The following DCDC1 variants were observed in gnomAD, a reference collection of about 807,000 sequenced individuals.
DCDC1 encodes the protein doublecortin domain-containing protein 1.
Under a neutral mutation model 178.3 loss-of-function variants are expected in DCDC1, and 200 were observed. The ratio of observed to expected loss-of-function variants is 1.12; its 90% CI spans 1.00 to 1.26. The LOEUF is 1.26. DCDC1 is among the 50% of genes most tolerant of loss of function. The probability of loss-of-function intolerance (pLI) is 0.00; values close to 1 mark genes in which losing one functional copy is unlikely to be tolerated. For synonymous variants in DCDC1, 690 were observed against 604.8 expected (o/e 1.14, Z -2.07); for missense variants, 1,983 against 1,749.2 (o/e 1.13, Z -2.38).
rs766150694 is a variant in DCDC1 at position 30,899,623 on chromosome 11, T to C, written c.4683A>G (p.Lys1561=). Residue 1561 remains lysine (K), a synonymous_variant, in exon 34 of 39, where the codon AAA becomes AAG. Transcript: ENST00000684477. ...TTTTTAGCCAGTTCTGTTTCTCTAA[T>C]TTTTCTGCTTTCTGCAAAGCTAGAA... ...LPPNALQKAE[K]LEKQNWLKKD... 1 of 1,567,144 alleles carries C rather than the reference T, an allele frequency of 6.4e-7. No individual in the cohort carries two copies. Among genetic ancestry groups the C allele is most frequent in the Admixed American group, 1.9e-5 (1 of 53,362 alleles).
chr11:30,883,818 A>T (rs1942914651), intron 36 of DCDC1, among the ~76,000 whole-genome samples: 1 of 152,140 alleles, frequency 6.6e-6, no homozygotes, highest in African/African-American at 2.4e-5. Flanking sequence ...TCAGATTATT[A>T]AGAAATGAAT....
chr11:31,091,153 G>A (rs1202643033), intron 17 of DCDC1, among the ~76,000 whole-genome samples: 2 of 152,072 alleles, frequency 1.3e-5, no homozygotes, highest in African/African-American at 2.4e-5. Context: ...GTTTGTCTAC[G>A]ACATAGATAC....
rs760096919 is a variant in DCDC1 at position 31,064,508 on chromosome 11, C to G, written c.2552G>C (p.Arg851Thr). Residue 851 changes from arginine to threonine, a missense_variant, in exon 20 of 39, where the codon AGG (arginine) becomes ACG (threonine). Coordinates refer to ENST00000684477, the MANE Select transcript of DCDC1 (RefSeq NM_001387274.1). ...ETGELTVALVRKLEEKHPKAS... is the reference protein window; with the variant it reads ...ETGELTVALVTKLEEKHPKAS... Reference sequence around the variant, plus strand: ...CTTAGGATGTTTCTCTTCCAGTTTCCTCACCAGTGCTACTGTCAGCTCCCC... The same window carrying G: ...CTTAGGATGTTTCTCTTCCAGTTTCGTCACCAGTGCTACTGTCAGCTCCCC... The G allele has an allele frequency of 1.3e-6, 1 of 765,838 alleles. No individual in the cohort carries two copies. Among genetic ancestry groups the G allele is most frequent in the Admixed American group, 1.7e-5 (1 of 59,014 alleles). 47.4% of individuals were successfully genotyped at this position (765,838 alleles called of 1,614,324 possible).
chr11:30,944,586 A>G lies in DCDC1; in HGVS notation c.2715+7859T>C, dbSNP rs531845976. Among the ~76,000 whole-genome samples the G allele has an allele frequency of 3.3e-5, 5 of 152,290 alleles. No homozygotes were observed. The South Asian group carries it at 1.0e-3, about 32-fold the overall frequency. On this transcript the variant is annotated intron_variant, in intron 21 of 38. Coordinates refer to ENST00000684477, the MANE Select transcript of DCDC1 (RefSeq NM_001387274.1). ...ATCAGTTGCTTGAAAATAGGACTGGAAGAAAATATGGTTCCTTCAAATAAG... is the reference window on the plus strand; with the variant it reads ...ATCAGTTGCTTGAAAATAGGACTGGGAGAAAATATGGTTCCTTCAAATAAG...
chr11:31,263,502 G>A (rs1312590982), intron 8 of DCDC1, among the ~76,000 whole-genome samples: 1 of 152,046 alleles, frequency 6.6e-6, no homozygotes, highest in African/African-American at 2.4e-5. Flanking sequence ...CAGGAGATTT[G>A]AAATCTTCAG....
At chr11:30,993,509 G>T (rs1020792076) in intron 20 of DCDC1, among the ~76,000 whole-genome samples, 3 of 151,936 alleles carry the variant, frequency 2.0e-5, no homozygotes, top group African/African-American at 2.4e-5. Context: ...GAAAACCAAT[G>T]AACAACAGAG....
chr11:31,238,104 AG>A (rs1319860781), intron 9 of DCDC1, among the ~76,000 whole-genome samples: 1 of 152,032 alleles, frequency 6.6e-6, no homozygotes, highest in African/African-American at 2.4e-5. Flanking sequence ...AAAAAAAAAA[AG>A]TACTATGCAT....
At chr11:31,048,120 C>T (rs185612974) in intron 20 of DCDC1, among the ~76,000 whole-genome samples, 1 of 152,250 alleles carries the variant, frequency 6.6e-6, no homozygotes, top group Admixed American at 6.5e-5. Flanking sequence ...CCAAATCATA[C>T]AGTGAGTACT....
intron 21 of DCDC1, among the ~76,000 whole-genome samples, chr11:30,937,441 C>T (rs768021691): frequency 4.6e-5 from 7 of 152,148 alleles, no homozygotes; most frequent in Non-Finnish European, 8.8e-5. Context: ...CCTTTTCTTC[C>T]ATCCAGGACA....
At chr11:31,201,879 T>C (rs1971329242) in intron 9 of DCDC1, among the ~76,000 whole-genome samples, 1 of 152,196 alleles carries the variant, frequency 6.6e-6, no homozygotes, top group Non-Finnish European at 1.5e-5. Flanking sequence ...CTTAAAAGAC[T>C]GTAGCTCACT....
chr11:30,908,846 T>C (rs175398), intron 29 of DCDC1, 100 bp downstream of exon 29: 3 of 1,036,852 alleles, frequency 2.9e-6, no homozygotes, highest in Non-Finnish European at 4.0e-6. Flanking sequence ...TCAACTTGTA[T>C]GAACATAAAG....
At position 31,107,354 on chromosome 11, in the gene DCDC1, C is replaced by T. The variant is rs141399248; in HGVS notation, c.1588-394G>A. ...GGCCTTCCAGACCACGTTCAAGTTT[C>T]ACAATCACCAATCTCCCTGTCCCCA... is the stretch of plus-strand genomic sequence containing the variant. On this transcript the variant is annotated intron_variant, in intron 12 of 38. Transcript: ENST00000684477. Among the ~76,000 whole-genome samples, 918 of 152,300 alleles carry T rather than the reference C, an allele frequency of 6.0e-3. 3 individuals carry two copies. Among genetic ancestry groups the T allele is most frequent in the African/African-American group, 0.021 (871 of 41,552 alleles).
At chr11:30,989,955 T>C (rs1950880357) in intron 20 of DCDC1, among the ~76,000 whole-genome samples, 1 of 152,148 alleles carries the variant, frequency 6.6e-6, no homozygotes, top group Admixed American at 6.5e-5. Flanking sequence ...ACTGGTCATG[T>C]GTGCAGGTGT....
At position 30,865,333 on chromosome 11, in the gene DCDC1, C is replaced by CT. The variant is rs1940881752; in HGVS notation, c.*41-2dup. 1 of 151,968 alleles carries CT rather than the reference C, an allele frequency of 6.6e-6. No individual in the cohort carries two copies. The highest frequency in any genetic ancestry group is 1.9e-4 in the East Asian group (1 of 5,192). 9.4% of individuals were successfully genotyped at this position (151,968 alleles called of 1,614,324 possible). A position where few individuals can be genotyped will look rare whatever the true frequency, so the allele number is the denominator to read the frequency against. On this transcript the variant is annotated splice_acceptor_variant, in intron 38 of 38. Transcript: ENST00000684477. LOFTEE classifies it low-confidence loss of function (3UTR_SPLICE). ...AAGTGGGTAAAGAAAGTTTTCTTTC[C>CT]TGTAAGGTAGAGAGAGAAACAAATC...
chr11:31,040,204 AT>A (rs1954344595), intron 20 of DCDC1, among the ~76,000 whole-genome samples: 1 of 152,214 alleles, frequency 6.6e-6, no homozygotes, highest in African/African-American at 2.4e-5. Context: ...AAGCAACGGA[AT>A]ATGTTATAAA....
Position 31,152,967 on chromosome 11 carries a change from A to G in DCDC1, c.1222-15183T>C, listed in dbSNP as rs543890883. ...TTCTCCATCCAGTGGCCCAGCTGCC[A>G]TCTATCTCTACATATTGTTGCCATA... On this transcript the variant is annotated intron_variant, in intron 9 of 38. Transcript: ENST00000684477. Among the ~76,000 whole-genome samples, 13 of 152,316 alleles carry G rather than the reference A, an allele frequency of 8.5e-5. No individual in the cohort carries two copies. In the South Asian group the frequency reaches 2.7e-3, roughly 32 times the overall value.
intron 36 of DCDC1, among the ~76,000 whole-genome samples, chr11:30,890,890 T>C (rs1317844852): frequency 6.6e-6 from 1 of 152,214 alleles, no homozygotes; most frequent in Non-Finnish European, 1.5e-5. Context: ...CAACTCCCTA[T>C]TGATGAGGTT....
intron 9 of DCDC1, among the ~76,000 whole-genome samples, chr11:31,211,106 C>CCCTT (rs1972478093): frequency 6.6e-6 from 1 of 152,206 alleles, no homozygotes; most frequent in Admixed American, 6.5e-5. Context: ...CTGCTCTCAT[C>CCCTT]TGTAGATGAT....
chr11:31,196,346 C>T (rs940750264), intron 9 of DCDC1, among the ~76,000 whole-genome samples: 3 of 152,014 alleles, frequency 2.0e-5, no homozygotes, highest in African/African-American at 7.2e-5. Context: ...CTGACACTAA[C>T]TACCTGGAGT....
Sources: gnomAD v4.1 joint callset for allele counts (sites outside exome capture counted in the v4.1 genomes callset) on GRCh38, gnomAD v4.1.1 for gene constraint, MANE v1.5 for transcripts, NCBI Gene and HGNC (gene_info 2026-07-23, HGNC 2026-07-21) for gene names.